The following RNF212B variants were observed in gnomAD, a reference collection of about 807,000 sequenced individuals.
RNF212B encodes E3 ubiquitin-protein ligase RNF212B.
RNF212B carries 52 observed loss-of-function variants against 55.5 expected under a neutral mutation model. The ratio of observed to expected loss-of-function variants is 0.94; its 90% CI spans 0.75 to 1.18. The LOEUF (loss-of-function observed/expected upper bound fraction) is 1.18. Ranked by LOEUF, RNF212B falls within the 50% of genes most tolerant of loss-of-function variation. The pLI is 0.00. For missense variants in RNF212B, 289 were observed against 350.4 expected, an observed-to-expected ratio of 0.82 and a Z score of 1.40; for synonymous variants, 99 against 121.4, an observed-to-expected ratio of 0.82 and a Z score of 1.21.
At chr14:23,266,208 C>T (rs1885680852) in intron 11 of RNF212B, among the ~76,000 whole-genome samples, 1 of 152,006 alleles carries the variant, frequency 6.6e-6, no homozygotes. Context: ...ATCTGCCCGC[C>T]TCAGCCTCCC....
At chr14:23,233,550 A>G (rs974751877), upstream of RNF212B, among the ~76,000 whole-genome samples, 1 of 129,730 alleles carries the variant, frequency 7.7e-6, no homozygotes, top group Non-Finnish European at 1.6e-5. Flanking sequence ...ACATGGTGAA[A>G]CCCCATCTCT....
chr14:23,270,057 C>T, intron 13 of RNF212B, 97 bp downstream of exon 13: 1 of 733,220 alleles, frequency 1.4e-6, no homozygotes, highest in South Asian at 1.6e-5. Context: ...GAGGTTTGCC[C>T]CCCAAAGAGC....
chr14:23,236,244 G>A (rs1392898517), upstream of RNF212B, among the ~76,000 whole-genome samples: 5 of 152,132 alleles, frequency 3.3e-5, no homozygotes, highest in South Asian at 4.1e-4. Context: ...GGCCAGGCGC[G>A]GTGGCTCACA....
chr14:23,195,726 C>T (rs184985899), intron 2 of RNF212B, among the ~76,000 whole-genome samples: 78 of 152,252 alleles, frequency 5.1e-4, no homozygotes, highest in African/African-American at 1.8e-3. Context: ...GGCACCTGGA[C>T]GGTGGAAGGG....
intron 2 of RNF212B, among the ~76,000 whole-genome samples, chr14:23,195,921 A>C (rs1878616493): frequency 6.6e-6 from 1 of 152,216 alleles, no homozygotes; most frequent in South Asian, 2.1e-4. Flanking sequence ...GCAGAGCTGT[A>C]ATTGGACTCT....
At chr14:23,272,056 T>G (rs1281223536) in intron 14 of RNF212B, among the ~76,000 whole-genome samples, 1 of 152,198 alleles carries the variant, frequency 6.6e-6, no homozygotes, top group African/African-American at 2.4e-5. Context: ...AAATAAAAGA[T>G]TGGCCATTAA....
chr14:23,207,853 A>C (rs2140381307), intron 2 of RNF212B, among the ~76,000 whole-genome samples: 1 of 152,326 alleles, frequency 6.6e-6, no homozygotes, highest in South Asian at 2.1e-4. Context: ...ACATCAATCA[A>C]TATATGTAAG....
At chr14:23,206,047 A>G (rs368162915) in intron 2 of RNF212B, among the ~76,000 whole-genome samples, 9 of 152,188 alleles carry the variant, frequency 5.9e-5, no homozygotes, top group Middle Eastern at 3.2e-3. Context: ...TAAAGATTTT[A>G]CTTATTACAT....
intron 2 of RNF212B, among the ~76,000 whole-genome samples, chr14:23,219,032 T>G (rs948120850): frequency 5.9e-5 from 9 of 152,018 alleles, no homozygotes; most frequent in African/African-American, 2.2e-4. Context: ...CCGGAGAGAG[T>G]GGCATGACAT....
intron 4 of RNF212B, among the ~76,000 whole-genome samples, chr14:23,255,062 T>C (rs1299948823): frequency 6.6e-6 from 1 of 152,204 alleles, no homozygotes; most frequent in African/African-American, 2.4e-5. Context: ...AGAGAGGTAA[T>C]AGCTAAATCT....
intron 11 of RNF212B, among the ~76,000 whole-genome samples, chr14:23,265,715 G>T (rs1885644346): frequency 6.6e-6 from 1 of 152,102 alleles, no homozygotes; most frequent in Admixed American, 6.6e-5. Context: ...TCATTTCAAA[G>T]AATTCGTTTT....
At chr14:23,270,561 CAAGT>C in intron 13 of RNF212B, 35 bp from the exon 14 acceptor site, 1 of 1,467,154 alleles carries the variant, frequency 6.8e-7, no homozygotes, top group Non-Finnish European at 9.3e-7. Flanking sequence ...AGAAACTGCC[CAAGT>C]AAGTTATCTT....
chr14:23,202,100 A>G (rs1879346698), intron 2 of RNF212B, among the ~76,000 whole-genome samples: 1 of 151,964 alleles, frequency 6.6e-6, no homozygotes, highest in Non-Finnish European at 1.5e-5. Flanking sequence ...AAAATACAAA[A>G]ATTAGCCAAG....
chr14:23,248,582 C>T (rs1028210278), intron 4 of RNF212B, among the ~76,000 whole-genome samples: 10 of 151,830 alleles, frequency 6.6e-5, no homozygotes, highest in Non-Finnish European at 1.2e-4. Context: ...GCTGGGATTA[C>T]GGGCATGCGC....
intron 2 of RNF212B, among the ~76,000 whole-genome samples, chr14:23,224,671 A>G (rs1881854776): frequency 6.6e-6 from 1 of 152,224 alleles, no homozygotes; most frequent in Non-Finnish European, 1.5e-5. Flanking sequence ...CATTGGGGAA[A>G]CTTTCCAGGA....
chr14:23,253,188 TC>T (rs1308672078), intron 4 of RNF212B, among the ~76,000 whole-genome samples: 1 of 152,180 alleles, frequency 6.6e-6, no homozygotes, highest in Non-Finnish European at 1.5e-5. Flanking sequence ...TATAACCACA[TC>T]ATGCTAAAAT....
chr14:23,240,624 C>T (rs965141949), intron 2 of RNF212B, among the ~76,000 whole-genome samples, 179 bp downstream of exon 2: 6 of 152,112 alleles, frequency 3.9e-5, no homozygotes, highest in Non-Finnish European at 5.9e-5. Flanking sequence ...AAGAATGGTC[C>T]TAAATTATTT....
chr14:23,226,048 T>G (rs915273421), intron 2 of RNF212B, among the ~76,000 whole-genome samples: 24 of 145,506 alleles, frequency 1.6e-4, no homozygotes, highest in Admixed American at 2.7e-4. Context: ...GCCTGTAATC[T>G]CAGCACTTTG....
intron 2 of RNF212B, among the ~76,000 whole-genome samples, chr14:23,242,097 A>AG (rs1566423199): frequency 5.0e-5 from 5 of 100,714 alleles, no homozygotes; most frequent in African/African-American, 9.4e-5. Flanking sequence ...AAAAAAAAAA[A>AG]AAAAAAAAAA....
Sources: gnomAD v4.1 joint callset for allele counts (sites outside exome capture counted in the v4.1 genomes callset) on GRCh38, gnomAD v4.1.1 for gene constraint, MANE v1.5 for transcripts, NCBI Gene and HGNC (gene_info 2026-07-23, HGNC 2026-07-21) for gene names.